Variants in POU2AF3 observed in about 807,000 individuals in gnomAD.
POU2AF3 encodes the protein POU class 2 homeobox associating factor 3, also known as cancer susceptibility candidate 13.
At chr11:111,300,064 C>T in the POU2AF3 span, 4 of 394,438 alleles carry the variant, frequency 1.0e-5, no homozygotes, top group Non-Finnish European at 1.8e-5. Context: ...GGGAACATCA[C>T]AGTGGGGTGG....
chr11:111,299,720 A>G, the POU2AF3 span: 35 of 1,230,926 alleles, frequency 2.8e-5, no homozygotes, highest in Middle Eastern at 3.1e-4. Context: ...CCAGAAAGGG[A>G]GGGGGTAGGG....
chr11:111,299,051 G>T, the POU2AF3 span: 5 of 989,640 alleles, frequency 5.1e-6, no homozygotes, highest in Non-Finnish European at 6.0e-6. Flanking sequence ...CGGGGTGGTG[G>T]GGCTGCGGTA....
At chr11:111,299,722 G>A in the POU2AF3 span, 1,265 of 1,231,980 alleles carry the variant, frequency 1.0e-3, 1 homozygote, top group Non-Finnish European at 1.1e-3. Flanking sequence ...AGAAAGGGAG[G>A]GGGTAGGGAG....
the POU2AF3 span, chr11:111,306,696 C>A: frequency 1.8e-6 from 2 of 1,120,054 alleles, no homozygotes; most frequent in South Asian, 1.4e-5. Context: ...GAGTTTGCAC[C>A]ATCCCGTGGG....
At chr11:111,300,537 G>A in the POU2AF3 span, 3 of 1,231,344 alleles carry the variant, frequency 2.4e-6, no homozygotes, top group Non-Finnish European at 2.0e-6. Flanking sequence ...AAAAACCGAA[G>A]GTGTATCAAG....
chr11:111,301,590 A>T, the POU2AF3 span, among the ~76,000 whole-genome samples: 1 of 152,192 alleles, frequency 6.6e-6, no homozygotes, highest in Non-Finnish European at 1.5e-5. Flanking sequence ...GATGTAGGGG[A>T]GGTAAACACA....
chr11:111,307,367 C>T, the POU2AF3 span, among the ~76,000 whole-genome samples: 1 of 151,786 alleles, frequency 6.6e-6, no homozygotes, highest in East Asian at 1.9e-4. Flanking sequence ...ATACTTTTTG[C>T]CTTTGGATTG....
At chr11:111,299,543 G>A in the POU2AF3 span, 1 of 1,193,338 alleles carries the variant, frequency 8.4e-7, no homozygotes, top group Non-Finnish European at 1.0e-6. Context: ...GCCACCTCCC[G>A]CGAGCCGGGG....
chr11:111,304,021 T>G, the POU2AF3 span, among the ~76,000 whole-genome samples: 3 of 152,176 alleles, frequency 2.0e-5, no homozygotes, highest in South Asian at 6.2e-4. Flanking sequence ...TACAGTAGTT[T>G]AAATAAAAGC....
At chr11:111,303,958 C>T in the POU2AF3 span, among the ~76,000 whole-genome samples, 4 of 151,500 alleles carry the variant, frequency 2.6e-5, no homozygotes, top group Non-Finnish European at 5.9e-5. Flanking sequence ...ATGCAGGCTG[C>T]TTTACTTTGA....
At chr11:111,306,663 A>C in the POU2AF3 span, 5 of 1,435,494 alleles carry the variant, frequency 3.5e-6, no homozygotes, top group Non-Finnish European at 4.8e-6. Context: ...ATTGTGTCTA[A>C]CTATGGGGTA....
chr11:111,300,483 C>T, the POU2AF3 span: 1 of 1,054,356 alleles, frequency 9.5e-7, no homozygotes, highest in Non-Finnish European at 1.2e-6. Flanking sequence ...CACCCTGGCA[C>T]CCAGACCTTG....
At chr11:111,305,119 G>T in the POU2AF3 span, 4 of 442,374 alleles carry the variant, frequency 9.0e-6, no homozygotes, top group African/African-American at 2.0e-5. Context: ...GGTGAAAAAG[G>T]CATAGTCACT....
chr11:111,308,447 C>T, the POU2AF3 span: 1 of 1,534,722 alleles, frequency 6.5e-7, no homozygotes, highest in Non-Finnish European at 8.8e-7. Context: ...ATAGAAATTA[C>T]AGTAATTCAG....
the POU2AF3 span, chr11:111,308,206 C>A: frequency 2.2e-5 from 34 of 1,551,702 alleles, no homozygotes; most frequent in African/African-American, 2.7e-5. Flanking sequence ...GTGGCTACCC[C>A]CCAGAAGACC....
chr11:111,300,635 C>A, the POU2AF3 span: 3 of 1,216,190 alleles, frequency 2.5e-6, no homozygotes, highest in East Asian at 9.5e-5. Flanking sequence ...AGCATAAGCC[C>A]TTCCCTCATT....
At chr11:111,300,615 G>A in the POU2AF3 span, 16 of 1,230,976 alleles carry the variant, frequency 1.3e-5, no homozygotes, top group Admixed American at 1.7e-4. Flanking sequence ...CGGCCTCCGG[G>A]GGAACCGTAA....
At chr11:111,298,873 C>T in the POU2AF3 span, 706 of 1,158,744 alleles carry the variant, frequency 6.1e-4, no homozygotes, top group Middle Eastern at 6.9e-4. Flanking sequence ...CTGAGACACG[C>T]GGTGCGGACC....
chr11:111,306,444 C>A, the POU2AF3 span: 9 of 1,487,916 alleles, frequency 6.0e-6, no homozygotes, highest in African/African-American at 1.4e-5. Context: ...TTATTTGCAA[C>A]GGGGAGAATT....
Sources: allele counts gnomAD v4.1 joint callset (sites outside exome capture counted in the v4.1 genomes callset), GRCh38; gene constraint gnomAD v4.1.1; transcripts MANE v1.5; gene names NCBI Gene and HGNC (gene_info 2026-07-23, HGNC 2026-07-21).